The following RANBP17 variants were observed in gnomAD, a reference collection of about 807,000 sequenced individuals.
The protein encoded by RANBP17 is RAN binding protein 17, also known as ran-binding protein 17.
RANBP17 carries 158 observed loss-of-function variants against 141.2 expected under a neutral mutation model. That is an observed-to-expected ratio of 1.12 (90% confidence interval 0.98 to 1.28). The LOEUF (loss-of-function observed/expected upper bound fraction) is 1.28, where lower values mean the gene tolerates loss of function less well. Ranked by LOEUF, RANBP17 falls within the 50% of genes most tolerant of loss-of-function variation. The pLI is 0.00. For missense variants in RANBP17, 1,438 were observed against 1,290.7 expected, an observed-to-expected ratio of 1.11 and a Z score of -1.75; for synonymous variants, 430 against 450.0, an observed-to-expected ratio of 0.96 and a Z score of 0.56.
chr5:171,226,321 G>A (rs900444291), intron 22 of RANBP17, among the ~76,000 whole-genome samples: 2 of 152,130 alleles, frequency 1.3e-5, no homozygotes, highest in Non-Finnish European at 2.9e-5. Flanking sequence ...AGAGTGCACA[G>A]AAGGGAGAAA....
Position 171,034,986 on chromosome 5 carries a change from G to T in RANBP17, c.1710+66609G>T, listed in dbSNP as rs577335505. ...ATAGGCATGAGCCACCACAGGTTTG[G>T]TTTTTTTTTCTTAATAGGTTGGACA... On this transcript the variant is annotated intron_variant, in intron 14 of 27. Coordinates refer to ENST00000523189, the MANE Select transcript of RANBP17 (RefSeq NM_022897.5). 3.4e-4 allele frequency among the ~76,000 whole-genome samples: 52 copies of T among 150,752 alleles called. 1 individual carries two copies. The South Asian group carries it at 6.9e-3, about 20-fold the overall frequency.
intron 14 of RANBP17, among the ~76,000 whole-genome samples, chr5:171,002,558 G>A (rs955594536): frequency 1.3e-5 from 2 of 152,122 alleles, no homozygotes; most frequent in African/African-American, 2.4e-5. Flanking sequence ...TGGTGGTGCA[G>A]GATATGGAAG....
At chr5:171,025,821 C>T (rs1781199377) in intron 14 of RANBP17, among the ~76,000 whole-genome samples, 1 of 152,122 alleles carries the variant, frequency 6.6e-6, no homozygotes, top group Non-Finnish European at 1.5e-5. Context: ...CTCCTAGCCT[C>T]AAGTGATCCT....
chr5:170,937,736 T>C (rs376160757), intron 12 of RANBP17, among the ~76,000 whole-genome samples: 3 of 152,196 alleles, frequency 2.0e-5, no homozygotes, highest in African/African-American at 7.2e-5. Flanking sequence ...TGATGACACA[T>C]GACAATCTTT....
Position 171,293,993 on chromosome 5 carries a change from T to C in RANBP17, c.3042+12T>C. On this transcript the variant is annotated intron_variant, in intron 26 of 27. Coordinates refer to ENST00000523189, the MANE Select transcript of RANBP17 (RefSeq NM_022897.5). ...TGCTCAATGAGAAGGTGAGTGTGAT[T>C]GCAGGAAGTCACGGGAGGTGGTCCC... 1 of 1,596,796 alleles carries C rather than the reference T, an allele frequency of 6.3e-7. No individual in the cohort carries two copies. Among genetic ancestry groups the C allele is most frequent in the Non-Finnish European group, 8.6e-7 (1 of 1,164,318 alleles).
intron 14 of RANBP17, among the ~76,000 whole-genome samples, chr5:171,121,198 G>T (rs537773138): frequency 1.2e-4 from 18 of 152,342 alleles, no homozygotes; most frequent in Non-Finnish European, 2.2e-4. Context: ...GCATGTGTAC[G>T]CAGTTGCTCG....
chr5:170,883,387 A>G (rs1768877554), intron 3 of RANBP17, among the ~76,000 whole-genome samples: 1 of 152,114 alleles, frequency 6.6e-6, no homozygotes, highest in Non-Finnish European at 1.5e-5. Flanking sequence ...CCATCTATCA[A>G]CATCCTGCAC....
chr5:171,244,634 A>T (rs902045284), intron 24 of RANBP17, among the ~76,000 whole-genome samples: 4 of 151,966 alleles, frequency 2.6e-5, no homozygotes, highest in African/African-American at 9.7e-5. Context: ...TTTAGTAGAG[A>T]TAGGGTTTTG....
rs1778439344 is a variant in RANBP17 at position 170,990,622 on chromosome 5, C to T, written c.1710+22245C>T. On this transcript the variant is annotated intron_variant, in intron 14 of 27. Transcript: ENST00000523189. ...TTATTTAATTATAAGAAAGTAAAGG[C>T]GCTTCACACTGACAGGTGGTGGAAA... Among the ~76,000 whole-genome samples, 4 of 151,976 alleles carry T rather than the reference C, an allele frequency of 2.6e-5. No homozygotes were observed. In the South Asian group the frequency reaches 8.3e-4, roughly 31 times the overall value.
In RANBP17 at chr5:170,922,422, A is replaced by G. The variant is rs117843639; in HGVS notation, c.1275-1935A>G. Among the ~76,000 whole-genome samples, 2,005 of 152,280 alleles carry G rather than the reference A, an allele frequency of 0.013. 108 individuals carry two copies. In the East Asian group the frequency reaches 0.15, roughly 12 times the overall value. ...GCTGTCTGCTGCCTTTTGTTCTGCT[A>G]TGCCCTGCCCCAAGAGGTGGAATCT... On this transcript the variant is annotated intron_variant, in intron 11 of 27. Coordinates refer to ENST00000523189, the MANE Select transcript of RANBP17 (RefSeq NM_022897.5).
At chr5:171,172,317 A>G (rs978818255) in intron 16 of RANBP17, among the ~76,000 whole-genome samples, 1 of 151,848 alleles carries the variant, frequency 6.6e-6, no homozygotes, top group Non-Finnish European at 1.5e-5. Context: ...GTATAATGCA[A>G]TAAAGCCAGG....
intron 3 of RANBP17, among the ~76,000 whole-genome samples, chr5:170,891,463 G>C (rs1048835885): frequency 5.3e-5 from 8 of 152,166 alleles, no homozygotes; most frequent in African/African-American, 1.7e-4. Flanking sequence ...TATGCGTTTT[G>C]TTCAGTTGGC....
intron 18 of RANBP17, among the ~76,000 whole-genome samples, chr5:171,195,527 T>C (rs940008503): frequency 1.3e-5 from 2 of 152,260 alleles, no homozygotes; most frequent in East Asian, 3.8e-4. Context: ...CAATGTCTTA[T>C]ATTTGCCTAC....
chr5:170,941,679 A>G (rs527683513), intron 12 of RANBP17, among the ~76,000 whole-genome samples: 1 of 152,326 alleles, frequency 6.6e-6, no homozygotes, highest in African/African-American at 2.4e-5. Flanking sequence ...CATATACAAA[A>G]AACCCAACTT....
rs1581069894 is a variant in RANBP17 at position 170,892,538 on chromosome 5, G to A, written c.408G>A (p.Val136=). The A allele has an allele frequency of 6.2e-7, 1 of 1,613,428 alleles. No individual in the cohort carries two copies. Among genetic ancestry groups the A allele is most frequent in the East Asian group, 2.2e-5 (1 of 44,854 alleles). ...TCTTCAGAGAAATTATTGCTGATGT[G>A]AAGAAGTTTCTCCAGGTAAGAAGTC... ...QFVFREIIAD[V]KKFLQGTVEH... Residue 136 remains valine (V), a synonymous_variant, in exon 4 of 28, where the codon GTG becomes GTA. Transcript: ENST00000523189.
chr5:171,164,290 C>G (rs1759530396), intron 14 of RANBP17, among the ~76,000 whole-genome samples: 1 of 152,100 alleles, frequency 6.6e-6, no homozygotes. Flanking sequence ...AGAGACAGTG[C>G]TCCAGATACC....
intron 14 of RANBP17, among the ~76,000 whole-genome samples, chr5:171,051,443 T>C (rs1217001738): frequency 7.2e-5 from 11 of 152,182 alleles, no homozygotes. Context: ...TCTGTCTGTA[T>C]AGATTTGCCA....
chr5:171,242,679 T>C lies in RANBP17; in HGVS notation c.2638-3T>C. On this transcript the variant is annotated splice_region_variant and splice_polypyrimidine_tract_variant and intron_variant, in intron 23 of 27. Transcript: ENST00000523189. ...TGACATTTAGTATATCTCTGTGTTG[T>C]AGCAATACCGGAAACTGAGCCAGTC... 1 of 1,613,448 alleles carries C rather than the reference T, an allele frequency of 6.2e-7. No homozygotes were observed. The highest frequency in any genetic ancestry group is 8.5e-7 in the Non-Finnish European group (1 of 1,179,780).
chr5:171,055,235 C>T (rs1016498588), intron 14 of RANBP17, among the ~76,000 whole-genome samples: 2 of 152,136 alleles, frequency 1.3e-5, no homozygotes, highest in African/African-American at 4.8e-5. Flanking sequence ...ATTACTCATC[C>T]CTCTTGTTTC....
Sources: gnomAD v4.1 joint callset for allele counts (sites outside exome capture counted in the v4.1 genomes callset) on GRCh38, gnomAD v4.1.1 for gene constraint, MANE v1.5 for transcripts, NCBI Gene and HGNC (gene_info 2026-07-23, HGNC 2026-07-21) for gene names.